NR6A1: variants seen among roughly 807,000 people sequenced by gnomAD.
The protein encoded by NR6A1 is nuclear receptor subfamily 6 group A member 1.
Under a neutral mutation model 59.1 loss-of-function variants are expected in NR6A1, and 7 were observed. The ratio of observed to expected loss-of-function variants is 0.12; its 90% CI spans 0.07 to 0.22. The LOEUF (loss-of-function observed/expected upper bound fraction) is 0.22, where lower values mean the gene tolerates loss of function less well. Ranked by LOEUF, NR6A1 falls within the 10% of genes least tolerant of loss-of-function variation. The probability of loss-of-function intolerance (pLI) is 1.00; values close to 1 mark genes in which losing one functional copy is unlikely to be tolerated. For missense variants in NR6A1, 468 were observed against 611.6 expected (o/e 0.77, Z 2.48); for synonymous variants, 243 against 236.1 (o/e 1.03, Z -0.27).
chr9:124,606,350 T>A (rs1334893177), intron 2 of NR6A1, among the ~76,000 whole-genome samples: 1 of 152,110 alleles, frequency 6.6e-6, no homozygotes, highest in Admixed American at 6.5e-5. Flanking sequence ...TATGGGTCTG[T>A]GAATATTCCA....
At chr9:124,660,668 A>G (rs868430576) in intron 2 of NR6A1, among the ~76,000 whole-genome samples, 64 of 150,934 alleles carry the variant, frequency 4.2e-4, no homozygotes, top group East Asian at 1.6e-3. Context: ...AAAAAAAAAA[A>G]GGCAACACAG....
chr9:124,700,848 C>A (rs1838924861), intron 2 of NR6A1, among the ~76,000 whole-genome samples: 1 of 149,966 alleles, frequency 6.7e-6, no homozygotes, highest in Non-Finnish European at 1.5e-5. Flanking sequence ...GCAACCTCTA[C>A]CTCCCAGGCT....
chr9:124,706,807 C>T (rs1322025529), intron 2 of NR6A1, among the ~76,000 whole-genome samples: 3 of 152,196 alleles, frequency 2.0e-5, no homozygotes, highest in Non-Finnish European at 4.4e-5. Flanking sequence ...TGAGCCACCT[C>T]GCCCGGCCAA....
intron 2 of NR6A1, among the ~76,000 whole-genome samples, chr9:124,661,127 T>C (rs1219853091): frequency 6.6e-6 from 1 of 152,132 alleles, no homozygotes; most frequent in East Asian, 1.9e-4. Flanking sequence ...GGGTTGTATT[T>C]TCCAAAACAA....
In NR6A1 at chr9:124,572,656, C is replaced by T. The variant is rs569158073; in HGVS notation, c.143-18086G>A. Among the ~76,000 whole-genome samples, 159 of 152,242 alleles carry T rather than the reference C, an allele frequency of 1.0e-3. 1 individual carries two copies. The highest frequency in any genetic ancestry group is 3.7e-3 in the African/African-American group (155 of 41,532). On this transcript the variant is annotated intron_variant, in intron 2 of 9. Coordinates refer to ENST00000487099, the MANE Select transcript of NR6A1 (RefSeq NM_033334.4). ...TTCGCACACGTCAGTGGAAGGAATT[C>T]CAGCAAATTAATTGGGTGTCAGCAG...
At chr9:124,676,029 T>A (rs995568767) in intron 2 of NR6A1, among the ~76,000 whole-genome samples, 2 of 151,712 alleles carry the variant, frequency 1.3e-5, no homozygotes, top group Admixed American at 1.3e-4. Flanking sequence ...AAGAGAAGGG[T>A]TTTCTTGCAA....
rs781524099 is a variant in NR6A1 at position 124,522,774 on chromosome 9, G to A, written c.1374C>T (p.Pro458=). Residue 458 remains proline (P), a synonymous_variant, in exon 10 of 10, where the codon CCC becomes CCT. Coordinates refer to ENST00000487099, the MANE Select transcript of NR6A1 (RefSeq NM_033334.4). ...RYIAGKMVNV[P]LEQLPLLFKV... ...TAAAGAGGAGGGGCAGCTGCTCCAG[G>A]GGCACATTCACCATCTTTCCTGGGA... 2.5e-6 allele frequency: 4 copies of A among 1,591,134 alleles called. No individual in the cohort carries two copies. Among genetic ancestry groups the A allele is most frequent in the Admixed American group, 1.7e-5 (1 of 57,426 alleles).
intron 2 of NR6A1, among the ~76,000 whole-genome samples, chr9:124,567,202 C>T (rs1834283163): frequency 6.6e-6 from 1 of 151,926 alleles, no homozygotes. Flanking sequence ...ATGGTCAGGG[C>T]TAAAATGAAG....
At chr9:124,631,328 T>C (rs1051822423) in intron 2 of NR6A1, among the ~76,000 whole-genome samples, 5 of 152,218 alleles carry the variant, frequency 3.3e-5, no homozygotes, top group African/African-American at 1.2e-4. Flanking sequence ...GGAAGATGAC[T>C]TTAAGGTGAA....
intron 2 of NR6A1, among the ~76,000 whole-genome samples, chr9:124,635,164 G>A (rs12686723): frequency 0.11 from 16,854 of 152,048 alleles, 2,463 homozygotes; most frequent in African/African-American, 0.33. Flanking sequence ...TGACTATCCT[G>A]TTCATCCCTC....
At chr9:124,585,337 G>A (rs1024783168) in intron 2 of NR6A1, among the ~76,000 whole-genome samples, 2 of 152,050 alleles carry the variant, frequency 1.3e-5, no homozygotes, top group East Asian at 3.9e-4. Flanking sequence ...TCGGGAGATC[G>A]AGACCATCCT....
chr9:124,536,322 C>A (rs898700266), intron 6 of NR6A1, among the ~76,000 whole-genome samples, 190 bp from the exon 7 acceptor site: 2 of 152,034 alleles, frequency 1.3e-5, no homozygotes, highest in Admixed American at 6.5e-5. Context: ...GCAGCAAGTT[C>A]AGGGCTGGAG....
chr9:124,668,659 A>G (rs1837700457), intron 2 of NR6A1, among the ~76,000 whole-genome samples: 1 of 152,240 alleles, frequency 6.6e-6, no homozygotes, highest in South Asian at 2.1e-4. Context: ...TTCACTTACA[A>G]GCATATTTTC....
chr9:124,584,652 C>T (rs769226727), intron 2 of NR6A1, among the ~76,000 whole-genome samples: 10 of 152,056 alleles, frequency 6.6e-5, no homozygotes, highest in Non-Finnish European at 1.0e-4. Flanking sequence ...TGAACTTAAT[C>T]GAAAAATGTT....
intron 2 of NR6A1, among the ~76,000 whole-genome samples, chr9:124,674,534 T>C (rs1372526264): frequency 7.2e-5 from 11 of 152,210 alleles, no homozygotes; most frequent in Non-Finnish European, 2.9e-5. Flanking sequence ...AGCCCTCTTT[T>C]AAGTGCTTTA....
intron 2 of NR6A1, among the ~76,000 whole-genome samples, chr9:124,725,933 G>T (rs1242653933): frequency 6.6e-6 from 1 of 152,166 alleles, no homozygotes. Flanking sequence ...TAACAGACTT[G>T]TTGACTACAG....
intron 2 of NR6A1, among the ~76,000 whole-genome samples, chr9:124,656,007 G>A (rs1564221294): frequency 6.6e-6 from 1 of 152,140 alleles, no homozygotes; most frequent in Non-Finnish European, 1.5e-5. Context: ...GTTGGTGGTG[G>A]GGCCTGGTGG....
rs2131363437 is a variant in NR6A1, at chr9:124,543,662, T to G, written c.441+140A>C. 5.1e-6 allele frequency: 3 copies of G among 584,452 alleles called. No homozygotes were observed. The South Asian group carries it at 7.9e-5, about 15-fold the overall frequency. 36.2% of individuals were successfully genotyped at this position (584,452 alleles called of 1,614,324 possible). On this transcript the variant is annotated intron_variant, in intron 4 of 9. Coordinates refer to ENST00000487099, the MANE Select transcript of NR6A1 (RefSeq NM_033334.4). Reference sequence around the variant, plus strand: ...TTTCAAAGCACTTTCACATCCAGGATGTAAAAGCACTTTTACAGAAATGAA... The same window carrying G: ...TTTCAAAGCACTTTCACATCCAGGAGGTAAAAGCACTTTTACAGAAATGAA...
chr9:124,575,325 G>A (rs1222000591), intron 2 of NR6A1, among the ~76,000 whole-genome samples: 1 of 152,192 alleles, frequency 6.6e-6, no homozygotes, highest in African/African-American at 2.4e-5. Flanking sequence ...TGTAATCCTA[G>A]CACTTTGGGA....
Sources: gnomAD v4.1 joint callset for allele counts (sites outside exome capture counted in the v4.1 genomes callset) on GRCh38, gnomAD v4.1.1 for gene constraint, MANE v1.5 for transcripts, NCBI Gene and HGNC (gene_info 2026-07-23, HGNC 2026-07-21) for gene names.